Variants in PLXNA4 observed in about 807,000 individuals in gnomAD.
PLXNA4 encodes plexin-A4.
A neutral mutation model predicts 191.8 loss-of-function variants in PLXNA4; 44 were observed. The ratio of observed to expected loss-of-function variants is 0.23; its 90% CI spans 0.18 to 0.29. The LOEUF is 0.29. PLXNA4 is among the 10% of genes least tolerant of loss of function. The probability of loss-of-function intolerance (pLI) is 1.00; values close to 1 mark genes in which losing one functional copy is unlikely to be tolerated. For missense variants in PLXNA4, 1,800 were observed against 2,488.8 expected, an observed-to-expected ratio of 0.72 and a Z score of 5.89; for synonymous variants, 1,082 against 1,009.5, an observed-to-expected ratio of 1.07 and a Z score of -1.36.
At chr7:132,259,307 G>A (rs930816322) in intron 4 of PLXNA4, among the ~76,000 whole-genome samples, 4 of 151,340 alleles carry the variant, frequency 2.6e-5, no homozygotes, top group Admixed American at 6.6e-5. Context: ...GTGGTGGCAC[G>A]CACCTGTAAT....
intron 3 of PLXNA4, among the ~76,000 whole-genome samples, chr7:132,313,568 T>C (rs916537520): frequency 6.6e-6 from 1 of 152,060 alleles, no homozygotes; most frequent in East Asian, 1.9e-4. Flanking sequence ...AAGGAGCAAG[T>C]TGAAGGGAAT....
intron 4 of PLXNA4, among the ~76,000 whole-genome samples, chr7:132,274,863 C>T (rs1800213383): frequency 6.6e-6 from 1 of 150,592 alleles, no homozygotes; most frequent in South Asian, 2.1e-4. Context: ...CTACTTTAGC[C>T]TCCCAAATTG....
intron 3 of PLXNA4, among the ~76,000 whole-genome samples, chr7:132,347,405 G>C (rs1474132132): frequency 6.6e-6 from 1 of 152,190 alleles, no homozygotes; most frequent in East Asian, 1.9e-4. Context: ...TAGGAAGTTT[G>C]GATTCCCACA....
chr7:132,478,914 T>C (rs1797230514), intron 3 of PLXNA4, among the ~76,000 whole-genome samples: 1 of 152,092 alleles, frequency 6.6e-6, no homozygotes, highest in Non-Finnish European at 1.5e-5. Flanking sequence ...CCAACCTCCT[T>C]GCCACCAAAG....
intron 2 of PLXNA4, among the ~76,000 whole-genome samples, chr7:132,502,511 T>C (rs1798297746): frequency 2.6e-5 from 4 of 152,132 alleles, no homozygotes; most frequent in African/African-American, 4.8e-5. Flanking sequence ...TCTAGTCTTG[T>C]AGTGGCTGGG....
At chr7:132,641,952 T>C (rs1803751683) in intron 2 of PLXNA4, among the ~76,000 whole-genome samples, 1 of 152,122 alleles carries the variant, frequency 6.6e-6, no homozygotes, top group Non-Finnish European at 1.5e-5. Flanking sequence ...TTCAGAAATG[T>C]TAAATGTGGG....
intron 5 of PLXNA4, among the ~76,000 whole-genome samples, chr7:132,234,756 G>T (rs1396864674): frequency 6.6e-6 from 1 of 152,036 alleles, no homozygotes; most frequent in African/African-American, 2.4e-5. Flanking sequence ...GATCTAGTCT[G>T]GGACTCATTT....
intron 30 of PLXNA4, among the ~76,000 whole-genome samples, chr7:132,137,321 C>A (rs1001228087): frequency 5.3e-5 from 8 of 152,230 alleles, no homozygotes; most frequent in Admixed American, 1.3e-4. Context: ...ATTCTACTTA[C>A]TTCTTAAAAG....
intron 3 of PLXNA4, among the ~76,000 whole-genome samples, chr7:132,479,173 A>T (rs1417103244): frequency 1.3e-5 from 2 of 152,062 alleles, no homozygotes; most frequent in Admixed American, 6.5e-5. Context: ...GGCGACTGAG[A>T]CAGGTGGATC....
rs76498518 is a variant in PLXNA4 at position 132,487,932 on chromosome 7, G to A, written c.1371+1360C>T. Among the ~76,000 whole-genome samples the A allele has an allele frequency of 0.014, 2,133 of 152,266 alleles. 236 individuals carry two copies. The East Asian group carries it at 0.29, about 21-fold the overall frequency. On this transcript the variant is annotated intron_variant, in intron 3 of 31. Transcript: ENST00000321063. ...GGTATGAAATACAATTCTTTGCAGG[G>A]AATTATGAAATACAATTCTTAAAAA... is the stretch of plus-strand genomic sequence containing the variant.
chr7:132,206,512 G>A (rs921177412), intron 10 of PLXNA4, among the ~76,000 whole-genome samples: 1 of 151,530 alleles, frequency 6.6e-6, no homozygotes, highest in Non-Finnish European at 1.5e-5. Context: ...TGAAGAAATT[G>A]AAAATAAAAA....
In PLXNA4 at chr7:132,565,448, A is replaced by G. The variant is rs1563178332; in HGVS notation, c.-87+10974T>C. Among the ~76,000 whole-genome samples, 3 of 152,226 alleles carry G rather than the reference A, an allele frequency of 2.0e-5. No individual in the cohort carries two copies. The South Asian group carries it at 6.2e-4, about 31-fold the overall frequency. ...CACATTTCTGACAAGCTCCATTCAG[A>G]GGGCACCATAACTTACATAAATGAT... On this transcript the variant is annotated intron_variant, in intron 1 of 31. Coordinates refer to ENST00000321063, the MANE Select transcript of PLXNA4 (RefSeq NM_020911.2).
intron 22 of PLXNA4, among the ~76,000 whole-genome samples, 175 bp from the exon 23 acceptor site, chr7:132,165,375 C>G (rs1796092337): frequency 6.6e-6 from 1 of 152,198 alleles, no homozygotes. Context: ...CTCCTAGACG[C>G]CCCCATAATG....
At chr7:132,379,201 T>C (rs1290029776) in intron 3 of PLXNA4, among the ~76,000 whole-genome samples, 1 of 152,062 alleles carries the variant, frequency 6.6e-6, no homozygotes, top group African/African-American at 2.4e-5. Context: ...AAATTCCCCA[T>C]GATTGGAGAT....
At chr7:132,507,456 C>T in intron 2 of PLXNA4, 50 bp downstream of exon 2, 1 of 1,544,012 alleles carries the variant, frequency 6.5e-7, no homozygotes, top group African/African-American at 1.4e-5. Flanking sequence ...GGCTGGGGTT[C>T]TCATCCTACA....
intron 2 of PLXNA4, among the ~76,000 whole-genome samples, chr7:132,496,794 C>T (rs1798033203): frequency 6.6e-6 from 1 of 152,126 alleles, no homozygotes; most frequent in Non-Finnish European, 1.5e-5. Context: ...CAGGGGACTG[C>T]TGGGGAAGAG....
chr7:132,248,363 T>C (rs994807079), intron 4 of PLXNA4, among the ~76,000 whole-genome samples: 1 of 152,170 alleles, frequency 6.6e-6, no homozygotes, highest in African/African-American at 2.4e-5. Flanking sequence ...GTGTGAGGAT[T>C]CATGTCTATT....
intron 25 of PLXNA4, among the ~76,000 whole-genome samples, chr7:132,150,117 C>G (rs1311531559): frequency 1.3e-5 from 2 of 152,172 alleles, no homozygotes; most frequent in Non-Finnish European, 2.9e-5. Flanking sequence ...CAAGAAGTCT[C>G]TGGGGACCAT....
chr7:132,471,096 G>T (rs1019593591), intron 3 of PLXNA4, among the ~76,000 whole-genome samples: 1 of 152,186 alleles, frequency 6.6e-6, no homozygotes, highest in Non-Finnish European at 1.5e-5. Context: ...GTGATAGTGA[G>T]AGAGTTCTCT....
Sources: allele counts gnomAD v4.1 joint callset (sites outside exome capture counted in the v4.1 genomes callset), GRCh38; gene constraint gnomAD v4.1.1; transcripts MANE v1.5; gene names NCBI Gene and HGNC (gene_info 2026-07-23, HGNC 2026-07-21).